UBR4: variants seen among roughly 807,000 people sequenced by gnomAD.
UBR4 encodes the protein ubiquitin protein ligase E3 component n-recognin 4.
UBR4 carries 124 observed loss-of-function variants against 575.6 expected under a neutral mutation model. The ratio of observed to expected loss-of-function variants is 0.22; its 90% CI spans 0.19 to 0.25. UBR4 has a LOEUF of 0.25. Ranked by LOEUF, UBR4 falls within the 10% of genes least tolerant of loss-of-function variation. The probability of loss-of-function intolerance (pLI) is 1.00; values close to 1 mark genes in which losing one functional copy is unlikely to be tolerated. For synonymous variants in UBR4, 2,455 were observed against 2,473.7 expected, an observed-to-expected ratio of 0.99 and a Z score of 0.22; for missense variants, 4,818 against 6,478.8, an observed-to-expected ratio of 0.74 and a Z score of 8.80.
chr1:19,077,885 G>C lies in UBR4; in HGVS notation c.15324+91C>G, dbSNP rs575323354. ...CGCCCCCAGGCCCAGCGGAGGAGCA[G>C]CCATGTGGGTGCTGAGGCAGAGTCA... On this transcript the variant is annotated intron_variant, in intron 104 of 105. Transcript: ENST00000375254. 7.5e-6 allele frequency: 12 copies of C among 1,606,268 alleles called. No homozygotes were observed. The South Asian group carries it at 1.3e-4, about 18-fold the overall frequency.
chr1:19,150,609 G>T lies in UBR4; in HGVS notation c.7398C>A (p.Ala2466=), dbSNP rs753075716. ...SNGTGDSDSA[A]PTTTSGTVLE... ...GGACAGTTCCACTGGTCGTAGTGGG[G>T]GCAGCTGAGTCGCTATCTCCAGTGC... The change falls in exon 49 of 106, where the codon GCC becomes GCA. Residue 2466 remains alanine, a synonymous_variant. Coordinates refer to ENST00000375254, the MANE Select transcript of UBR4 (RefSeq NM_020765.3). 2 of 1,613,638 alleles carry T rather than the reference G, an allele frequency of 1.2e-6. No homozygotes were observed. Among genetic ancestry groups the T allele is most frequent in the African/African-American group, 1.3e-5 (1 of 75,012 alleles).
chr1:19,167,906 C>T (rs1212734222), intron 28 of UBR4, 121 bp downstream of exon 28: 1 of 1,142,924 alleles, frequency 8.7e-7, no homozygotes, highest in Non-Finnish European at 1.2e-6. Flanking sequence ...GCAACAGGTT[C>T]TTTTTGCTAA....
chr1:19,189,447 C>T (rs760085009), intron 11 of UBR4, among the ~76,000 whole-genome samples: 22 of 152,172 alleles, frequency 1.4e-4, no homozygotes, highest in South Asian at 4.1e-4. Context: ...TAGGCAACTA[C>T]GGTATATTTA....
intron 34 of UBR4, 27 bp downstream of exon 34, chr1:19,163,737 C>T (rs183929773): frequency 1.2e-6 from 2 of 1,612,088 alleles, no homozygotes; most frequent in Admixed American, 1.7e-5. Context: ...CCCTTCACCC[C>T]CCATTGTCAT....
chr1:19,161,512 G>C (rs2087372037), intron 37 of UBR4, 77 bp downstream of exon 37: 1 of 1,520,942 alleles, frequency 6.6e-7, no homozygotes, highest in East Asian at 2.3e-5. Context: ...GGAGGTGATG[G>C]GAATTTTCCA....
At chr1:19,081,217 A>T (rs540006126) in intron 103 of UBR4, 132 bp downstream of exon 103, 1 of 778,014 alleles carries the variant, frequency 1.3e-6, no homozygotes, top group East Asian at 2.5e-5. Flanking sequence ...CAGACTGAGA[A>T]GGGAGAAGGG....
At chr1:19,201,645 ACAC>A in intron 2 of UBR4, 70 bp downstream of exon 2, 1 of 1,332,688 alleles carries the variant, frequency 7.5e-7, no homozygotes, top group Non-Finnish European at 1.1e-6. Context: ...TTTTTCAGAT[ACAC>A]TAACGAGAGG....
intron 28 of UBR4, among the ~76,000 whole-genome samples, 199 bp from the exon 29 acceptor site, chr1:19,167,430 T>G (rs1209879030): frequency 6.6e-6 from 1 of 152,244 alleles, no homozygotes; most frequent in Non-Finnish European, 1.5e-5. Flanking sequence ...TTTTTCATTA[T>G]TATATCAGAA....
chr1:19,158,730 G>A (rs986955736), intron 39 of UBR4, among the ~76,000 whole-genome samples: 2 of 151,842 alleles, frequency 1.3e-5, no homozygotes, highest in Admixed American at 1.3e-4. Flanking sequence ...CCCAAAGTGT[G>A]GGGATTACAG....
At chr1:19,114,196 C>T in intron 75 of UBR4, 126 bp from the exon 76 acceptor site, 1 of 1,231,810 alleles carries the variant, frequency 8.1e-7, no homozygotes, top group South Asian at 1.6e-5. Context: ...CATACATTAT[C>T]TCTGTTCTTC....
In UBR4 at chr1:19,155,425, C is replaced by CA; in HGVS notation, c.6300+15dup. 6.2e-7 allele frequency: 1 copy of CA among 1,605,640 alleles called. No individual in the cohort carries two copies. The highest frequency in any genetic ancestry group is 8.5e-7 in the Non-Finnish European group (1 of 1,175,190). ...TTAAATCCGGAATAGAAGGAAATAG[C>CA]AACATGTGCTCTAACCTTCAGGTCC... On this transcript the variant is annotated intron_variant, in intron 43 of 105. Coordinates refer to ENST00000375254, the MANE Select transcript of UBR4 (RefSeq NM_020765.3).
chr1:19,144,006 G>A lies in UBR4; in HGVS notation c.8153C>T (p.Ser2718Phe), dbSNP rs2084478601. The A allele has an allele frequency of 5.0e-6, 8 of 1,613,880 alleles. No homozygotes were observed. Among genetic ancestry groups the A allele is most frequent in the Non-Finnish European group, 6.8e-6 (8 of 1,179,896 alleles). ...CATTGGAGTGTTGCTTCGAGGGGAA[G>A]AGGGTAAAGTCACATGTCTCCGTTT... ...RNKRRHVTLPSSPRSNTPMGD... is the reference protein window; with the variant it reads ...RNKRRHVTLPFSPRSNTPMGD... Residue 2718 changes from serine (S) to phenylalanine (F), a missense_variant, in exon 55 of 106, where the codon TCT (serine) becomes TTT (phenylalanine). Around this residue, in one of 29 missense-constraint regions of UBR4, gnomAD observed 129 missense variants for 198.4 expected, o/e 0.65. Transcript: ENST00000375254.
Position 19,150,776 on chromosome 1 carries a change from G to T in UBR4, c.7231C>A (p.Pro2411Thr). The T allele has an allele frequency of 6.2e-7, 1 of 1,613,794 alleles. No individual in the cohort carries two copies. Among genetic ancestry groups the T allele is most frequent in the Non-Finnish European group, 8.5e-7 (1 of 1,179,980 alleles). Reference sequence around the variant, plus strand: ...GCATCTATCATGGTGACACCTGCTGGATCCACCGAGGCCCCAACTGCAATA... The same window carrying T: ...GCATCTATCATGGTGACACCTGCTGTATCCACCGAGGCCCCAACTGCAATA... The part of the protein sequence containing the change: ...LNLFIGASVD[P>T]AGVTMIDAVK... The change falls in exon 49 of 106, where the codon CCA becomes ACA. Residue 2411 changes from proline to threonine, a missense_variant. Transcript: ENST00000375254.
chr1:19,125,753 T>G (rs2081666405), intron 64 of UBR4: 1 of 151,700 alleles, frequency 6.6e-6, no homozygotes, highest in African/African-American at 2.4e-5. Flanking sequence ...AAGACAACGA[T>G]CAGATCCACA....
chr1:19,191,602 T>C (rs2092088481), intron 11 of UBR4, among the ~76,000 whole-genome samples: 1 of 152,214 alleles, frequency 6.6e-6, no homozygotes, highest in South Asian at 2.1e-4. Context: ...TCTCCAGATA[T>C]AAAATAAACT....
intron 88 of UBR4, 134 bp downstream of exon 88, chr1:19,101,386 A>T (rs1047587473): frequency 7.9e-7 from 1 of 1,263,778 alleles, no homozygotes; most frequent in Non-Finnish European, 1.0e-6. Context: ...ATGGCGGTGG[A>T]TCTTCTTTCA....
At position 19,152,612 on chromosome 1, in the gene UBR4, C is replaced by T; in HGVS notation, c.6833-136G>A. On this transcript the variant is annotated intron_variant, in intron 46 of 105. Transcript: ENST00000375254. The surrounding 1 kb of genome is among the most constrained non-coding windows in gnomAD (Gnocchi z 4.4). ...CTCTGGATTATAACATTTGCATCGGCATGATGCCTACATGTGGTTAGCTCT... is the reference window on the plus strand; with the variant it reads ...CTCTGGATTATAACATTTGCATCGGTATGATGCCTACATGTGGTTAGCTCT... 8.6e-7 allele frequency: 1 copy of T among 1,163,902 alleles called. No individual in the cohort carries two copies. The highest frequency in any genetic ancestry group is 1.2e-6 in the Non-Finnish European group (1 of 822,018). The allele number at this position is 1,163,902 out of a possible 1,614,324, so 72.1% of individuals were successfully genotyped here. A position where few individuals can be genotyped will look rare whatever the true frequency, so the allele number is the denominator to read the frequency against.
At chr1:19,199,603 C>A in intron 3 of UBR4, 48 bp downstream of exon 3, 2 of 1,569,776 alleles carry the variant, frequency 1.3e-6, no homozygotes, top group South Asian at 2.2e-5. Flanking sequence ...ACTAGTCAGT[C>A]ACAACACTGC....
chr1:19,077,888 AT>A (rs758166139), intron 104 of UBR4, 87 bp downstream of exon 104: 1 of 1,608,236 alleles, frequency 6.2e-7, no homozygotes, highest in Non-Finnish European at 8.5e-7. Context: ...AGGAGCAGCC[AT>A]GTGGGTGCTG....
Sources: allele counts gnomAD v4.1 joint callset (sites outside exome capture counted in the v4.1 genomes callset), GRCh38; gene constraint gnomAD v4.1.1; regional missense constraint gnomAD v4.1.1; non-coding constraint Gnocchi (gnomAD v3.1); transcripts MANE v1.5; gene names NCBI Gene and HGNC (gene_info 2026-07-23, HGNC 2026-07-21).